The following NTN1 variants were observed in gnomAD, a reference collection of about 807,000 sequenced individuals.
NTN1 encodes netrin 1.
NTN1 carries 11 observed loss-of-function variants against 54.2 expected under a neutral mutation model. The observed-to-expected ratio is 0.20, with a 90% CI of 0.13 to 0.34. NTN1 has a LOEUF of 0.34. NTN1 is among the 10% of genes least tolerant of loss of function. The pLI is 1.00. For missense variants in NTN1, 740 were observed against 893.1 expected, an observed-to-expected ratio of 0.83 and a Z score of 2.18; for synonymous variants, 371 against 382.0, an observed-to-expected ratio of 0.97 and a Z score of 0.33.
chr17:9,228,969 T>C (rs919372287), intron 6 of NTN1, among the ~76,000 whole-genome samples: 3 of 151,962 alleles, frequency 2.0e-5, no homozygotes, highest in African/African-American at 7.3e-5. Context: ...TGTGATTGTG[T>C]TTACGACTGA....
intron 6 of NTN1, among the ~76,000 whole-genome samples, chr17:9,226,651 G>C (rs1396817659): frequency 6.6e-6 from 1 of 152,128 alleles, no homozygotes; most frequent in African/African-American, 2.4e-5. Flanking sequence ...GAGCCGCCAG[G>C]GAGGCTGAGT....
chr17:9,147,948 G>T (rs1455640924), intron 2 of NTN1, among the ~76,000 whole-genome samples: 1 of 152,142 alleles, frequency 6.6e-6, no homozygotes. Context: ...CTTTGTTTGG[G>T]TACAGATTTG....
rs527860953 is a variant in NTN1 at position 9,028,277 on chromosome 17, T to C, written c.1018+4886T>C. ...TGGTATGTCCCGGCCACTGGTGTGG[T>C]GCCGCTAGGTACAGTTGACATGAGT... On this transcript the variant is annotated intron_variant, in intron 2 of 6. Coordinates refer to ENST00000173229, the MANE Select transcript of NTN1 (RefSeq NM_004822.3). Among the ~76,000 whole-genome samples, 26 of 152,324 alleles carry C rather than the reference T, an allele frequency of 1.7e-4. No individual in the cohort carries two copies. In the East Asian group the frequency reaches 3.1e-3, roughly 18 times the overall value.
chr17:9,163,784 C>T (rs1351334025), intron 3 of NTN1, among the ~76,000 whole-genome samples: 4 of 144,740 alleles, frequency 2.8e-5, no homozygotes, highest in East Asian at 2.0e-4. Flanking sequence ...GGGTGAGAAG[C>T]GGGGCCCCCC....
chr17:9,200,273 A>C (rs1904745886), intron 5 of NTN1, among the ~76,000 whole-genome samples: 1 of 152,226 alleles, frequency 6.6e-6, no homozygotes, highest in Non-Finnish European at 1.5e-5. Flanking sequence ...TGCTGAACAC[A>C]AAATCCCCTG....
chr17:9,105,170 C>T (rs2092161926), intron 2 of NTN1, among the ~76,000 whole-genome samples: 2 of 152,214 alleles, frequency 1.3e-5, no homozygotes, highest in Admixed American at 1.3e-4. Context: ...CCCTCTGACA[C>T]CTGGCCTTTA....
chr17:9,033,773 C>T (rs983574813), intron 2 of NTN1, among the ~76,000 whole-genome samples: 2 of 151,808 alleles, frequency 1.3e-5, no homozygotes, highest in African/African-American at 2.4e-5. Context: ...CAAAATTAGC[C>T]GGGCGTGGTG....
intron 6 of NTN1, among the ~76,000 whole-genome samples, chr17:9,236,498 C>T (rs1034680144): frequency 1.3e-5 from 2 of 152,252 alleles, no homozygotes; most frequent in African/African-American, 4.8e-5. Context: ...ATATGTAGCT[C>T]ATACTTGGTG....
intron 5 of NTN1, among the ~76,000 whole-genome samples, chr17:9,203,289 T>C (rs16958034): frequency 0.37 from 56,584 of 152,024 alleles, 11,483 homozygotes; most frequent in African/African-American, 0.54. Flanking sequence ...GCCAATGTGT[T>C]GATTCCTTTG....
chr17:9,089,287 C>T (rs2092100760), intron 2 of NTN1, among the ~76,000 whole-genome samples: 1 of 151,952 alleles, frequency 6.6e-6, no homozygotes. Flanking sequence ...TGGTGGCGGG[C>T]ACTTGTAGTC....
rs113210908 is a variant in NTN1 at position 9,188,689 on chromosome 17, G to A, written c.1411+5720G>A. On this transcript the variant is annotated intron_variant, in intron 5 of 6. Coordinates refer to ENST00000173229, the MANE Select transcript of NTN1 (RefSeq NM_004822.3). ...TCGTCTTCCAGCCCTTTAGCTGTGGGTGTATGGCTTCGAGTTCTGGCTGCA... is the reference window on the plus strand; with the variant it reads ...TCGTCTTCCAGCCCTTTAGCTGTGGATGTATGGCTTCGAGTTCTGGCTGCA... Among the ~76,000 whole-genome samples, 3 of 152,276 alleles carry A rather than the reference G, an allele frequency of 2.0e-5. 1 individual carries two copies. The highest frequency in any genetic ancestry group is 7.2e-5 in the African/African-American group (3 of 41,578).
intron 5 of NTN1, among the ~76,000 whole-genome samples, chr17:9,220,950 C>T (rs540095300): frequency 5.2e-5 from 4 of 77,154 alleles, no homozygotes; most frequent in African/African-American, 2.1e-4. Flanking sequence ...ATTCGTCAGG[C>T]CAGGGAGGGG....
At chr17:9,197,409 A>C (rs1054381897) in intron 5 of NTN1, among the ~76,000 whole-genome samples, 3 of 152,204 alleles carry the variant, frequency 2.0e-5, no homozygotes, top group Non-Finnish European at 4.4e-5. Flanking sequence ...CTGTAATCCC[A>C]GCACTTTGGG....
At chr17:9,046,509 A>G (rs1567697867) in intron 2 of NTN1, among the ~76,000 whole-genome samples, 1 of 152,204 alleles carries the variant, frequency 6.6e-6, no homozygotes, top group African/African-American at 2.4e-5. Flanking sequence ...ATAAGAGTCC[A>G]GGCATGGTGG....
At chr17:9,147,765 T>G (rs1292360314) in intron 2 of NTN1, among the ~76,000 whole-genome samples, 3 of 152,188 alleles carry the variant, frequency 2.0e-5, no homozygotes, top group Admixed American at 1.3e-4. Context: ...TGCCATCCCC[T>G]GTCTTATCCT....
upstream of NTN1, among the ~76,000 whole-genome samples, chr17:9,021,322 C>G (rs966934346): frequency 4.0e-4 from 61 of 152,094 alleles, no homozygotes; most frequent in Non-Finnish European, 7.1e-4. Flanking sequence ...CTCTGCTGTT[C>G]TTTCTCGGGC....
At chr17:9,164,016 C>T (rs1567726021) in intron 3 of NTN1, among the ~76,000 whole-genome samples, 2 of 152,268 alleles carry the variant, frequency 1.3e-5, no homozygotes, top group Non-Finnish European at 2.9e-5. Flanking sequence ...CAGGTGGCGT[C>T]CTGCAGGAGA....
intron 2 of NTN1, among the ~76,000 whole-genome samples, chr17:9,144,823 T>C (rs1270629359): frequency 6.6e-6 from 1 of 152,200 alleles, no homozygotes; most frequent in African/African-American, 2.4e-5. Flanking sequence ...TGTTTCAGCC[T>C]GTTTGCATTT....
chr17:9,212,602 T>C lies in NTN1; in HGVS notation c.1412-8566T>C, dbSNP rs557984925. On this transcript the variant is annotated intron_variant, in intron 5 of 6. Transcript: ENST00000173229. This position sits in a 1 kb window ranked among gnomAD's most constrained non-coding sequence, Gnocchi z 5.5. ...AGCCCCAGCCTTTCTCCCCTTAAACTCTTTCACCCTGGGCCAGGGAGAACC... is the reference window on the plus strand; with the variant it reads ...AGCCCCAGCCTTTCTCCCCTTAAACCCTTTCACCCTGGGCCAGGGAGAACC... 1.8e-4 allele frequency among the ~76,000 whole-genome samples: 27 copies of C among 152,166 alleles called. No individual in the cohort carries two copies. Among genetic ancestry groups the C allele is most frequent in the African/African-American group, 6.5e-4 (27 of 41,518 alleles).
Sources: allele counts gnomAD v4.1 joint callset (sites outside exome capture counted in the v4.1 genomes callset), GRCh38; gene constraint gnomAD v4.1.1; non-coding constraint Gnocchi (gnomAD v3.1); transcripts MANE v1.5; gene names NCBI Gene and HGNC (gene_info 2026-07-23, HGNC 2026-07-21).